The following ATP8A2 variants were observed in gnomAD, a reference collection of about 807,000 sequenced individuals.
The protein encoded by ATP8A2 is ATPase phospholipid transporting 8A2, also known as phospholipid-transporting ATPase IB.
In ATP8A2, 100 loss-of-function variants were observed where a neutral mutation model predicts 165.6. The observed-to-expected ratio is 0.60, with a 90% CI of 0.51 to 0.71. ATP8A2 has a LOEUF of 0.71. ATP8A2 is among the 30% of genes least tolerant of loss of function. The probability of loss-of-function intolerance (pLI) is 0.00; values close to 1 mark genes in which losing one functional copy is unlikely to be tolerated. For missense variants in ATP8A2, 1,227 were observed against 1,479.5 expected, an observed-to-expected ratio of 0.83 and a Z score of 2.80; for synonymous variants, 543 against 548.8, an observed-to-expected ratio of 0.99 and a Z score of 0.15.
intron 1 of ATP8A2, 173 bp from the exon 2 acceptor site, chr13:25,468,804 C>G (rs2035747122): frequency 1.0e-6 from 1 of 982,598 alleles, no homozygotes; most frequent in Non-Finnish European, 1.2e-6. Context: ...CCTTGGCTGC[C>G]GCGGCACAGG....
chr13:25,813,700 A>G (rs906456002), intron 27 of ATP8A2, among the ~76,000 whole-genome samples: 7 of 152,138 alleles, frequency 4.6e-5, no homozygotes, highest in African/African-American at 1.4e-4. Context: ...GTGATGGTTA[A>G]TGTTATATGA....
chr13:25,776,796 C>G (rs2044753292), intron 27 of ATP8A2, among the ~76,000 whole-genome samples: 1 of 152,190 alleles, frequency 6.6e-6, no homozygotes, highest in Non-Finnish European at 1.5e-5. Flanking sequence ...ATTTTGTGCT[C>G]CTGTAGCTGC....
chr13:25,519,901 T>G (rs1057390493), intron 2 of ATP8A2, among the ~76,000 whole-genome samples: 2 of 152,214 alleles, frequency 1.3e-5, no homozygotes, highest in African/African-American at 4.8e-5. Context: ...TCTCCCATCT[T>G]ATTACATTTT....
chr13:25,907,203 T>G (rs1190442473), intron 33 of ATP8A2, among the ~76,000 whole-genome samples: 2 of 151,992 alleles, frequency 1.3e-5, no homozygotes, highest in East Asian at 3.9e-4. Flanking sequence ...CGTGTGGAGA[T>G]CGCGCCACTG....
At chr13:25,699,046 T>G in intron 24 of ATP8A2, 127 bp from the exon 25 acceptor site, 1 of 719,956 alleles carries the variant, frequency 1.4e-6, no homozygotes, top group Non-Finnish European at 2.1e-6. Flanking sequence ...TGTGCAAAGC[T>G]GAACTGATAG....
At chr13:25,583,565 T>G (rs1364174521) in intron 23 of ATP8A2, among the ~76,000 whole-genome samples, 1 of 152,102 alleles carries the variant, frequency 6.6e-6, no homozygotes, top group Non-Finnish European at 1.5e-5. Flanking sequence ...TCTCACTGCC[T>G]CTCATCCACA....
intron 1 of ATP8A2, among the ~76,000 whole-genome samples, chr13:25,458,913 A>G (rs2035433807): frequency 6.6e-6 from 1 of 152,182 alleles, no homozygotes; most frequent in Non-Finnish European, 1.5e-5. Flanking sequence ...CAGAGAGAGC[A>G]CAGCAGGTGC....
intron 35 of ATP8A2, among the ~76,000 whole-genome samples, chr13:25,975,702 C>T (rs180778700): frequency 6.6e-6 from 1 of 152,274 alleles, no homozygotes; most frequent in African/African-American, 2.4e-5. Flanking sequence ...TATCAAGATT[C>T]GGCCAGAACT....
At chr13:25,667,504 T>G (rs770512992) in intron 24 of ATP8A2, among the ~76,000 whole-genome samples, 16 of 152,204 alleles carry the variant, frequency 1.1e-4, no homozygotes, top group Admixed American at 5.2e-4. Flanking sequence ...TCCCTCTTTT[T>G]GCACATATCT....
Position 25,961,642 on chromosome 13 carries a change from T to G in ATP8A2, c.3251T>G (p.Ile1084Ser). The G allele has an allele frequency of 1.2e-6, 2 of 1,613,826 alleles. No homozygotes were observed. Among genetic ancestry groups the G allele is most frequent in the Non-Finnish European group, 1.7e-6 (2 of 1,179,748 alleles). ...GLFLVPTACLIEDVAWRAAKH... is the reference protein window; with the variant it reads ...GLFLVPTACLSEDVAWRAAKH... ...TTTCTGGTTCCTACTGCCTGTTTGA[T>G]TGAAGATGTGGCATGGAGAGCGTAA... The change falls in exon 34 of 37, where the codon ATT (isoleucine) becomes AGT (serine). Residue 1084 changes from isoleucine (I) to serine (S), a missense_variant. This residue lies in a region of ATP8A2 where 260 missense variants were observed against 245.1 expected (regional missense o/e 1.06). Transcript: ENST00000381655.
At chr13:25,506,557 A>G (rs2037042802) in intron 2 of ATP8A2, among the ~76,000 whole-genome samples, 1 of 152,190 alleles carries the variant, frequency 6.6e-6, no homozygotes, top group African/African-American at 2.4e-5. Flanking sequence ...AGAAACATTC[A>G]TGAGATAGAG....
intron 1 of ATP8A2, among the ~76,000 whole-genome samples, chr13:25,434,547 C>G (rs2138165726): frequency 6.6e-6 from 1 of 152,158 alleles, no homozygotes; most frequent in Non-Finnish European, 1.5e-5. Flanking sequence ...TAGGGTTTTG[C>G]CATGTTGGCC....
chr13:25,537,881 C>T (rs2137967217), intron 6 of ATP8A2, 107 bp from the exon 7 acceptor site: 1 of 667,098 alleles, frequency 1.5e-6, no homozygotes. Flanking sequence ...AACTTCATGG[C>T]TTAGTTATAT....
At chr13:25,849,513 T>A (rs1951954844) in intron 30 of ATP8A2, among the ~76,000 whole-genome samples, 1 of 152,220 alleles carries the variant, frequency 6.6e-6, no homozygotes, top group African/African-American at 2.4e-5. Context: ...CCTTGATCAT[T>A]TTGTCTCTTT....
intron 33 of ATP8A2, among the ~76,000 whole-genome samples, chr13:25,870,053 G>T (rs1199385413): frequency 1.3e-5 from 2 of 152,158 alleles, no homozygotes; most frequent in Non-Finnish European, 2.9e-5. Context: ...CTCAGCAGAT[G>T]GGGGAGCCAG....
At chr13:25,620,854 A>G (rs2040949932) in intron 24 of ATP8A2, among the ~76,000 whole-genome samples, 1 of 152,224 alleles carries the variant, frequency 6.6e-6, no homozygotes, top group Non-Finnish European at 1.5e-5. Context: ...AGATCAATGA[A>G]CTAATGGTGA....
intron 13 of ATP8A2, 106 bp from the exon 14 acceptor site, chr13:25,558,867 T>C (rs2039059541): frequency 2.9e-6 from 2 of 682,178 alleles, no homozygotes. Context: ...TAGGGAAATC[T>C]ACCCGTTTCA....
chr13:25,539,237 C>G (rs1317262516), intron 7 of ATP8A2, among the ~76,000 whole-genome samples: 1 of 152,042 alleles, frequency 6.6e-6, no homozygotes, highest in Non-Finnish European at 1.5e-5. Context: ...GCTGGGACCA[C>G]AGGTGCATGC....
At chr13:25,382,759 CTTT>C (rs772036972) in intron 1 of ATP8A2, among the ~76,000 whole-genome samples, 2 of 140,108 alleles carry the variant, frequency 1.4e-5, no homozygotes, top group Non-Finnish European at 1.6e-5. Flanking sequence ...ATCTTTTGTC[CTTT>C]TTTTTTTTTT....
Sources: allele counts gnomAD v4.1 joint callset (sites outside exome capture counted in the v4.1 genomes callset), GRCh38; gene constraint gnomAD v4.1.1; regional missense constraint gnomAD v4.1.1; transcripts MANE v1.5; gene names NCBI Gene and HGNC (gene_info 2026-07-23, HGNC 2026-07-21).